STXBP4: variants seen among roughly 807,000 people sequenced by gnomAD.
STXBP4 encodes the protein syntaxin-binding protein 4.
In STXBP4, 55 loss-of-function variants were observed where a neutral mutation model predicts 76.1. That is an observed-to-expected ratio of 0.72 (90% CI 0.58 to 0.91). STXBP4 has a LOEUF of 0.91. Ranked by LOEUF, STXBP4 falls within the 40% of genes least tolerant of loss-of-function variation. The probability of loss-of-function intolerance (pLI) is 0.00; values close to 1 mark genes in which losing one functional copy is unlikely to be tolerated. For synonymous variants in STXBP4, 201 were observed against 220.2 expected, an observed-to-expected ratio of 0.91 and a Z score of 0.77; for missense variants, 618 against 636.9, an observed-to-expected ratio of 0.97 and a Z score of 0.32.
intron 3 of STXBP4, among the ~76,000 whole-genome samples, chr17:54,987,938 T>G (rs550612091): frequency 6.6e-6 from 1 of 152,202 alleles, no homozygotes; most frequent in South Asian, 2.1e-4. Flanking sequence ...CTTGTAATTC[T>G]CTTATTATGA....
chr17:54,991,949 C>T (rs1460017468), intron 4 of STXBP4: 1 of 152,054 alleles, frequency 6.6e-6, no homozygotes, highest in African/African-American at 2.4e-5. Context: ...ATCCCTCCCC[C>T]ACCACTGCAA....
At chr17:55,005,720 T>A (rs946899258) in intron 7 of STXBP4, among the ~76,000 whole-genome samples, 14 of 152,252 alleles carry the variant, frequency 9.2e-5, no homozygotes, top group African/African-American at 3.1e-4. Flanking sequence ...CATAATCAGG[T>A]TCACTTGGGT....
intron 1 of STXBP4, among the ~76,000 whole-genome samples, chr17:54,978,367 T>C (rs994129470): frequency 7.9e-5 from 12 of 152,202 alleles, no homozygotes; most frequent in African/African-American, 2.9e-4. Context: ...ATATGTACTA[T>C]GAGCTTCTTT....
intron 15 of STXBP4, among the ~76,000 whole-genome samples, chr17:55,080,585 C>CA (rs1450888696): frequency 6.6e-6 from 1 of 150,976 alleles, no homozygotes; most frequent in Non-Finnish European, 1.5e-5. Context: ...TGATTCGAGG[C>CA]AAAAAATGGA....
intron 12 of STXBP4, among the ~76,000 whole-genome samples, chr17:55,061,680 A>T (rs945501965): frequency 1.1e-4 from 17 of 152,142 alleles, no homozygotes; most frequent in African/African-American, 4.1e-4. Flanking sequence ...AATCTGTTCT[A>T]TATCTCCATA....
intron 17 of STXBP4, among the ~76,000 whole-genome samples, chr17:55,154,352 T>A (rs2080253457): frequency 6.6e-6 from 1 of 152,228 alleles, no homozygotes; most frequent in South Asian, 2.1e-4. Flanking sequence ...CCTAGGCAGC[T>A]GCCACCTGGC....
intron 12 of STXBP4, among the ~76,000 whole-genome samples, chr17:55,072,453 C>T (rs1312775445): frequency 6.6e-6 from 1 of 152,096 alleles, no homozygotes; most frequent in East Asian, 1.9e-4. Context: ...AACTTTAGCC[C>T]CTGGAGCTTG....
intron 1 of STXBP4, among the ~76,000 whole-genome samples, chr17:54,983,977 G>A (rs2077587180): frequency 6.6e-6 from 1 of 152,044 alleles, no homozygotes; most frequent in African/African-American, 2.4e-5. Context: ...TTACTTCATG[G>A]TCATTGGACT....
At chr17:54,977,595 C>T (rs960099518) in intron 1 of STXBP4, among the ~76,000 whole-genome samples, 1 of 152,138 alleles carries the variant, frequency 6.6e-6, no homozygotes, top group South Asian at 2.1e-4. Flanking sequence ...GACTATAACT[C>T]TTTGATCTTT....
chr17:55,198,669 T>C, the STXBP4 span, among the ~76,000 whole-genome samples: 1 of 152,202 alleles, frequency 6.6e-6, no homozygotes, highest in African/African-American at 2.4e-5. Flanking sequence ...GCAGATCTGA[T>C]ATAAAATCGA....
At chr17:55,101,766 T>C (rs1029805993) in intron 16 of STXBP4, among the ~76,000 whole-genome samples, 9 of 152,202 alleles carry the variant, frequency 5.9e-5, no homozygotes, top group Non-Finnish European at 1.3e-4. Flanking sequence ...AAAGGAGCTT[T>C]AAAAACCTAA....
In STXBP4 at chr17:55,084,676, A is replaced by C. The variant is rs540873083; in HGVS notation, c.1489+3493A>C. Among the ~76,000 whole-genome samples, 235 of 151,986 alleles carry C rather than the reference A, an allele frequency of 1.5e-3. 7 individuals carry two copies. The South Asian group carries it at 0.044, about 29-fold the overall frequency. On this transcript the variant is annotated intron_variant, in intron 16 of 17. Coordinates refer to ENST00000376352, the MANE Select transcript of STXBP4 (RefSeq NM_178509.6). ...TTTTTGTATAAGGTGTAAGGAAGGGATCCAGTTTCAGCTTTCTACATATGG... is the reference window on the plus strand; with the variant it reads ...TTTTTGTATAAGGTGTAAGGAAGGGCTCCAGTTTCAGCTTTCTACATATGG...
chr17:55,208,792 C>G, the STXBP4 span, among the ~76,000 whole-genome samples: 1 of 152,058 alleles, frequency 6.6e-6, no homozygotes, highest in Non-Finnish European at 1.5e-5. Context: ...ATAAGTTAGA[C>G]ATTTTAAGGC....
chr17:55,126,549 C>A (rs935582595), intron 16 of STXBP4, among the ~76,000 whole-genome samples: 4 of 152,104 alleles, frequency 2.6e-5, no homozygotes, highest in Non-Finnish European at 5.9e-5. Flanking sequence ...TTGGGTTGCA[C>A]AGGTGTAAGC....
intron 4 of STXBP4, 44 bp from the exon 5 acceptor site, chr17:54,999,300 TA>T: frequency 1.4e-6 from 2 of 1,459,372 alleles, no homozygotes; most frequent in Non-Finnish European, 1.9e-6. Context: ...AATTTTTTTT[TA>T]AATACCTCAT....
At chr17:55,130,179 C>T (rs1257756437) in intron 16 of STXBP4, among the ~76,000 whole-genome samples, 1 of 152,134 alleles carries the variant, frequency 6.6e-6, no homozygotes, top group Non-Finnish European at 1.5e-5. Context: ...TAAATTGTTC[C>T]CCAGATACTC....
chr17:55,188,506 C>T, the STXBP4 span, among the ~76,000 whole-genome samples: 120 of 152,310 alleles, frequency 7.9e-4, no homozygotes, highest in African/African-American at 2.6e-3. Context: ...TGGACAGACA[C>T]GCACCTCTTT....
chr17:55,057,577 T>C (rs1309141918), intron 12 of STXBP4, among the ~76,000 whole-genome samples: 1 of 152,224 alleles, frequency 6.6e-6, no homozygotes, highest in Non-Finnish European at 1.5e-5. Flanking sequence ...CTGGGATACA[T>C]GTGCAGAACG....
chr17:54,978,381 A>G (rs1015752839), intron 1 of STXBP4, among the ~76,000 whole-genome samples: 1 of 129,192 alleles, frequency 7.7e-6, no homozygotes, highest in Non-Finnish European at 1.7e-5. Flanking sequence ...CTTCTTTGCT[A>G]TGAGTCATCT....
Sources: allele counts gnomAD v4.1 joint callset (sites outside exome capture counted in the v4.1 genomes callset), GRCh38; gene constraint gnomAD v4.1.1; transcripts MANE v1.5; gene names NCBI Gene and HGNC (gene_info 2026-07-23, HGNC 2026-07-21).